The following RCL1 variants were observed in gnomAD, a reference collection of about 807,000 sequenced individuals.
RCL1 encodes the protein RNA 3'-terminal phosphate cyclase-like protein.
In RCL1, 24 loss-of-function variants were observed where a neutral mutation model predicts 42.4. The ratio of observed to expected loss-of-function variants is 0.57; its 90% CI spans 0.41 to 0.80. The LOEUF is 0.80. Among genes scored for constraint, RCL1 ranks in the 30% least tolerant of loss-of-function variants. The probability of loss-of-function intolerance (pLI) is 0.00; values close to 1 mark genes in which losing one functional copy is unlikely to be tolerated. For synonymous variants in RCL1, 228 were observed against 177.3 expected (o/e 1.29, Z -2.27); for missense variants, 578 against 467.9 (o/e 1.24, Z -2.17).
intron 7 of RCL1, among the ~76,000 whole-genome samples, chr9:4,846,324 G>A (rs1053511197): frequency 1.3e-5 from 2 of 152,138 alleles, no homozygotes; most frequent in African/African-American, 2.4e-5. Flanking sequence ...CCCTCTACTC[G>A]GCATTCACCT....
chr9:4,855,050 C>T (rs1302421163), intron 8 of RCL1, among the ~76,000 whole-genome samples: 12 of 70,118 alleles, frequency 1.7e-4, no homozygotes, highest in East Asian at 3.2e-4. Flanking sequence ...AAGACTCCGT[C>T]TCAAAAAAAA....
At chr9:4,855,963 G>A (rs1332701880) in intron 8 of RCL1, among the ~76,000 whole-genome samples, 2 of 152,290 alleles carry the variant, frequency 1.3e-5, no homozygotes, top group African/African-American at 4.8e-5. Flanking sequence ...CAGCTGGGGA[G>A]GGTGTCTGGT....
At chr9:4,859,290 C>A (rs1205374428) in intron 8 of RCL1, among the ~76,000 whole-genome samples, 1 of 152,194 alleles carries the variant, frequency 6.6e-6, no homozygotes, top group African/African-American at 2.4e-5. Context: ...ATATTGCCTT[C>A]TGCCAAATAT....
chr9:4,847,192 A>G (rs1486963558), intron 7 of RCL1, among the ~76,000 whole-genome samples: 1 of 151,874 alleles, frequency 6.6e-6, no homozygotes, highest in Non-Finnish European at 1.5e-5. Context: ...TTTTTTCTTT[A>G]GTTGAGATCT....
At chr9:4,849,327 A>T in intron 7 of RCL1, 120 bp from the exon 8 acceptor site, 2 of 701,812 alleles carry the variant, frequency 2.8e-6, no homozygotes, top group South Asian at 3.5e-5. Context: ...ATTCTGTTTT[A>T]TTGTTGCTTG....
chr9:4,802,620 A>T (rs1843023069), intron 1 of RCL1, among the ~76,000 whole-genome samples: 1 of 151,098 alleles, frequency 6.6e-6, no homozygotes, highest in Admixed American at 6.6e-5. Context: ...TGTTTACAAA[A>T]TGTTCATTTT....
intron 8 of RCL1, among the ~76,000 whole-genome samples, chr9:4,850,908 T>G (rs1214560436): frequency 2.0e-5 from 3 of 152,156 alleles, no homozygotes; most frequent in Non-Finnish European, 4.4e-5. Flanking sequence ...GGGGAAGTCC[T>G]GCTTGCACAC....
intron 1 of RCL1, among the ~76,000 whole-genome samples, chr9:4,807,966 C>T (rs1328132490): frequency 6.6e-6 from 1 of 151,728 alleles, no homozygotes; most frequent in Non-Finnish European, 1.5e-5. Context: ...TTTAATGGTC[C>T]AAGATATAGT....
chr9:4,828,783 A>G (rs555083402), intron 3 of RCL1, among the ~76,000 whole-genome samples: 3 of 152,292 alleles, frequency 2.0e-5, no homozygotes, highest in Admixed American at 6.5e-5. Context: ...ATATGCTAAC[A>G]GTGACAAAAG....
At position 4,844,233 on chromosome 9, in the gene RCL1, C is replaced by T. The variant is rs540037731; in HGVS notation, c.711-292C>T. On this transcript the variant is annotated intron_variant, in intron 6 of 8. Coordinates refer to ENST00000381750, the MANE Select transcript of RCL1 (RefSeq NM_005772.5). ...TTGTGGTTGCATACGGATTGTACTG[C>T]TGGGAAGGCCGCCACACCTTTCCTG... Among the ~76,000 whole-genome samples, 4 of 152,214 alleles carry T rather than the reference C, an allele frequency of 2.6e-5. No individual in the cohort carries two copies. In the South Asian group the frequency reaches 6.2e-4, roughly 24 times the overall value.
intron 8 of RCL1, among the ~76,000 whole-genome samples, chr9:4,857,670 A>T (rs958802891): frequency 8.5e-5 from 13 of 152,270 alleles, no homozygotes; most frequent in African/African-American, 3.1e-4. Flanking sequence ...CCCGGTTAAC[A>T]TTTTGAGGAA....
chr9:4,831,603 A>G (rs1816945467), intron 3 of RCL1, among the ~76,000 whole-genome samples: 1 of 152,094 alleles, frequency 6.6e-6, no homozygotes, highest in South Asian at 2.1e-4. Context: ...CAGCCTCTCA[A>G]GTAGCTAGGA....
At chr9:4,857,498 T>G (rs1413096839) in intron 8 of RCL1, among the ~76,000 whole-genome samples, 2 of 152,246 alleles carry the variant, frequency 1.3e-5, no homozygotes, top group Non-Finnish European at 2.9e-5. Flanking sequence ...TACCACATTT[T>G]ATGCATTCAT....
Position 4,860,129 on chromosome 9 carries a change from G to C in RCL1, c.976G>C (p.Glu326Gln), listed in dbSNP as rs1217757069. The change falls in exon 9 of 9, where the codon GAA becomes CAA. Residue 326 changes from glutamate to glutamine, a missense_variant. By Grantham distance (29) the Glu-to-Gln change is conservative. Transcript: ENST00000381750. ...LLGPLSPYTIEFLRHLKSFFQ... is the reference protein window; with the variant it reads ...LLGPLSPYTIQFLRHLKSFFQ... The stretch of plus-strand genomic sequence containing the variant: ...ATTTATTTTTTTCCTTTTTAGGATA[G>C]AATTTTTGCGGCATTTGAAGAGCTT... The C allele has an allele frequency of 1.9e-6, 3 of 1,572,214 alleles. No individual in the cohort carries two copies. In the Admixed American group the frequency reaches 5.8e-5, roughly 30 times the overall value.
chr9:4,822,503 CT>C (rs1413305838), intron 1 of RCL1, among the ~76,000 whole-genome samples: 1 of 152,130 alleles, frequency 6.6e-6, no homozygotes, highest in African/African-American at 2.4e-5. Flanking sequence ...TCCTCTCCCC[CT>C]CTCTTTCTCT....
Position 4,860,211 on chromosome 9 carries a change from G to A in RCL1, c.1058G>A (p.Gly353Glu), listed in dbSNP as rs1159883987. ...CCATGTGGTGAAGAACTCAAGGGTG[G>A]GGATAAAGTGCTGATGACCTGTGTT... ...TKPCGEELKGGDKVLMTCVGI... is the reference protein window; with the variant it reads ...TKPCGEELKGEDKVLMTCVGI... The change falls in exon 9 of 9, where the codon GGG becomes GAG. Residue 353 changes from glycine (G) to glutamate (E), a missense_variant. Coordinates refer to ENST00000381750, the MANE Select transcript of RCL1 (RefSeq NM_005772.5). The A allele has an allele frequency of 6.2e-7, 1 of 1,612,978 alleles. No individual in the cohort carries two copies. Among genetic ancestry groups the A allele is most frequent in the Non-Finnish European group, 8.5e-7 (1 of 1,179,562 alleles).
chr9:4,800,083 C>G (rs1842973697), intron 1 of RCL1, among the ~76,000 whole-genome samples: 1 of 152,038 alleles, frequency 6.6e-6, no homozygotes, highest in African/African-American at 2.4e-5. Flanking sequence ...CCTTTTGTTG[C>G]TGAGTAGTAT....
intron 7 of RCL1, among the ~76,000 whole-genome samples, chr9:4,849,088 T>C (rs1034261738): frequency 7.4e-6 from 1 of 134,270 alleles, no homozygotes; most frequent in African/African-American, 2.9e-5. Flanking sequence ...CTAGAACTGA[T>C]TAAGATTTTT....
chr9:4,827,199 C>A, intron 3 of RCL1, 166 bp downstream of exon 3: 1 of 1,538,842 alleles, frequency 6.5e-7, no homozygotes, highest in Non-Finnish European at 8.8e-7. Context: ...GGCAGATGAA[C>A]CAAAACTTAG....
Sources: gnomAD v4.1 joint callset for allele counts (sites outside exome capture counted in the v4.1 genomes callset) on GRCh38, gnomAD v4.1.1 for gene constraint, MANE v1.5 for transcripts, NCBI Gene and HGNC (gene_info 2026-07-23, HGNC 2026-07-21) for gene names.